MAP4K2: variants seen among roughly 807,000 people sequenced by gnomAD.
MAP4K2 encodes mitogen-activated protein kinase kinase kinase kinase 2, also known as B lymphocyte serine/threonine protein kinase.
MAP4K2 carries 85 observed loss-of-function variants against 125.3 expected under a neutral mutation model. The observed-to-expected ratio is 0.68, with a 90% CI of 0.57 to 0.81. The LOEUF (loss-of-function observed/expected upper bound fraction) is 0.81. Ranked by LOEUF, MAP4K2 falls within the 40% of genes least tolerant of loss-of-function variation. The pLI, the probability that MAP4K2 is intolerant of heterozygous loss-of-function variation, is 0.00. For missense variants in MAP4K2, 923 were observed against 1,056.4 expected (o/e 0.87, Z 1.75); for synonymous variants, 479 against 445.1 (o/e 1.08, Z -0.96).
In MAP4K2 at chr11:64,797,365, C is replaced by G; in HGVS notation, c.1186G>C (p.Asp396His). 6.3e-7 allele frequency: 1 copy of G among 1,589,360 alleles called. No homozygotes were observed. Among genetic ancestry groups the G allele is most frequent in the Non-Finnish European group, 8.6e-7 (1 of 1,167,684 alleles). ...CGCTTGATGGTTCCCATGGTATCGT[C>G]TGGGGAGTCCAGCTCCTGGTAGGAG... is the stretch of plus-strand genomic sequence containing the variant. The part of the protein sequence containing the change: ...ASEFQELDSP[D>H]DTMGTIKRAP... The change falls in exon 18 of 32, where the codon GAC (aspartate) becomes CAC (histidine). Residue 396 changes from aspartate (D) to histidine (H), a missense_variant. By Grantham distance (81) the Asp-to-His change is moderately conservative. Transcript: ENST00000294066.
At chr11:64,800,279 C>G (rs758341694) in intron 11 of MAP4K2, 32 bp downstream of exon 11, 15 of 1,613,170 alleles carry the variant, frequency 9.3e-6, no homozygotes, top group Non-Finnish European at 1.2e-5. Context: ...CTTTTGAGTA[C>G]TGGGCCTCTC....
rs767422692 is a variant in MAP4K2 at position 64,800,808 on chromosome 11, C to T, written c.681G>A (p.Ser227=). The T allele has an allele frequency of 2.3e-5, 37 of 1,611,580 alleles. 2 individuals carry two copies. In the South Asian group the frequency reaches 2.3e-4, roughly 10 times the overall value. Residue 227 remains serine (S), a synonymous_variant, in exon 10 of 32, where the codon TCG becomes TCA. Transcript: ENST00000294066. ...LHPMRALMLM[S]KSSFQPPKLR... ...GTTTGGGCGGCTGGAAGCTGCTCTT[C>T]GACATGAGCATCAGGGCCCTGTGGA... is the stretch of plus-strand genomic sequence containing the variant.
At chr11:64,790,642 T>G (rs1031765516) in intron 27 of MAP4K2, among the ~76,000 whole-genome samples, 180 bp from the exon 28 acceptor site, 6 of 152,136 alleles carry the variant, frequency 3.9e-5, no homozygotes, top group Non-Finnish European at 7.4e-5. Context: ...TCTGAGAGGA[T>G]GAGTGACCCG....
intron 15 of MAP4K2, 74 bp downstream of exon 15, chr11:64,798,720 C>T: frequency 6.5e-7 from 1 of 1,541,652 alleles, no homozygotes. Flanking sequence ...CAGGCATGAG[C>T]CACCACGCCC....
chr11:64,800,085 C>A, intron 12 of MAP4K2, 24 bp downstream of exon 12: 1 of 1,555,228 alleles, frequency 6.4e-7, no homozygotes, highest in South Asian at 1.2e-5. Flanking sequence ...GCCCAAGACT[C>A]ACTTTCCAGC....
Position 64,801,018 on chromosome 11 carries a change from C to T in MAP4K2, c.544G>A (p.Val182Met), listed in dbSNP as rs144780110. Residue 182 changes from valine to methionine, a missense_variant, in exon 9 of 32, where the codon GTG becomes ATG. By Grantham distance (21) the Val-to-Met change is conservative. This residue lies in a region of MAP4K2 where 833 missense variants were observed against 911.4 expected (regional missense o/e 0.91). Transcript: ENST00000294066. ...CCACCTTTGCGCTCCACAGCAGCCACCTCGGGAGCCATCCTAGAGGTGGGG... is the reference window on the plus strand; with the variant it reads ...CCACCTTTGCGCTCCACAGCAGCCATCTCGGGAGCCATCCTAGAGGTGGGG... Reference protein sequence around the residue: ...IGTPYWMAPEVAAVERKGGYN... With the variant: ...IGTPYWMAPEMAAVERKGGYN... 50 of 1,613,804 alleles carry T rather than the reference C, an allele frequency of 3.1e-5. No homozygotes were observed. Among genetic ancestry groups the T allele is most frequent in the Non-Finnish European group, 4.2e-5 (49 of 1,180,004 alleles).
chr11:64,800,687 C>G (rs907996642), intron 10 of MAP4K2, 77 bp downstream of exon 10: 2 of 1,536,568 alleles, frequency 1.3e-6, no homozygotes, highest in Admixed American at 2.0e-5. Context: ...GGTTGCCCCC[C>G]GGGAGTTGGC....
At chr11:64,789,841 GTAGGGACCACAAGGCAGGGGACA>G in intron 30 of MAP4K2, 25 bp downstream of exon 30, 1 of 1,613,948 alleles carries the variant, frequency 6.2e-7, no homozygotes, top group South Asian at 1.1e-5. Context: ...TTCCAAAGAG[GTAGGGACCACAAGGCAGGGGACA>G]GCAAGGTCCC....
rs185248149 is a variant in MAP4K2 at position 64,785,830 on chromosome 11, T to C, written c.*3707A>G. The C allele has an allele frequency of 1.3e-5, 2 of 152,182 alleles. No homozygotes were observed. The highest frequency in any genetic ancestry group is 6.5e-5 in the Admixed American group (1 of 15,278). The allele number at this position is 152,182 out of a possible 1,614,324, so 9.4% of individuals were successfully genotyped here. On this transcript the variant is annotated 3_prime_UTR_variant, in exon 32 of 32. Transcript: ENST00000294066. ...GTCTAGAACTCCTGGGTTCAAGTGATCTGCCTGCCTCAGTTTCCCAAAGTG... is the reference window on the plus strand; with the variant it reads ...GTCTAGAACTCCTGGGTTCAAGTGACCTGCCTGCCTCAGTTTCCCAAAGTG...
chr11:64,789,981 C>T, intron 29 of MAP4K2, 22 bp from the exon 30 acceptor site: 1 of 1,611,486 alleles, frequency 6.2e-7, no homozygotes, highest in Non-Finnish European at 8.5e-7. Context: ...AGGCCACCAT[C>T]AGCCCTGCAC....
At chr11:64,800,482 G>A (rs747428689) in intron 10 of MAP4K2, 90 bp from the exon 11 acceptor site, 862 of 1,425,468 alleles carry the variant, frequency 6.0e-4, no homozygotes, top group Non-Finnish European at 8.0e-4. Flanking sequence ...CTCCAGAGGC[G>A]TCTGCTGGGC....
At chr11:64,802,396 G>A in intron 4 of MAP4K2, 23 bp downstream of exon 4, 1 of 1,487,898 alleles carries the variant, frequency 6.7e-7, no homozygotes, top group Non-Finnish European at 8.9e-7. Flanking sequence ...GGGGCCTGCT[G>A]GGGCCTGGAG....
chr11:64,789,129 C>G lies in MAP4K2; in HGVS notation c.*408G>C, dbSNP rs1940325214. On this transcript the variant is annotated 3_prime_UTR_variant, in exon 32 of 32. Transcript: ENST00000294066. ...GTTCACTCCCCCTACCCAGAGGGACCAGAGGACTAAAACAAACCAGCTTTA... is the reference window on the plus strand; with the variant it reads ...GTTCACTCCCCCTACCCAGAGGGACGAGAGGACTAAAACAAACCAGCTTTA... 4.7e-6 allele frequency: 1 copy of G among 211,716 alleles called. No individual in the cohort carries two copies. Among genetic ancestry groups the G allele is most frequent in the African/African-American group, 2.3e-5 (1 of 42,814 alleles). The allele number at this position is 211,716 out of a possible 1,614,324, so 13.1% of individuals were successfully genotyped here.
chr11:64,802,953 G>T lies in MAP4K2; in HGVS notation c.97-11C>A, dbSNP rs1327626259. ...GACCGTGTCGCGGGCCTGCAGGGGC[G>T]GAGGGTGAAGCGGGATGGGGGGCGG... On this transcript the variant is annotated splice_polypyrimidine_tract_variant and intron_variant, in intron 1 of 31. Transcript: ENST00000294066. 6.4e-7 allele frequency: 1 copy of T among 1,569,796 alleles called. No individual in the cohort carries two copies. The highest frequency in any genetic ancestry group is 8.6e-7 in the Non-Finnish European group (1 of 1,158,758).
Position 64,796,475 on chromosome 11 carries a change from G to A in MAP4K2, c.1633+18C>T, listed in dbSNP as rs763109110. The A allele has an allele frequency of 1.9e-6, 3 of 1,613,838 alleles. No individual in the cohort carries two copies. Among genetic ancestry groups the A allele is most frequent in the South Asian group, 2.2e-5 (2 of 91,088 alleles). ...GAGCCCCTGCGGACCCTGCCTCCCTGCCCATCCCACCTTGTACCTGAGAGT... is the reference window on the plus strand; with the variant it reads ...GAGCCCCTGCGGACCCTGCCTCCCTACCCATCCCACCTTGTACCTGAGAGT... On this transcript the variant is annotated intron_variant, in intron 23 of 31. Coordinates refer to ENST00000294066, the MANE Select transcript of MAP4K2 (RefSeq NM_004579.5).
At chr11:64,801,240 G>A (rs997696943) in intron 7 of MAP4K2, 57 bp from the exon 8 acceptor site, 12 of 1,576,452 alleles carry the variant, frequency 7.6e-6, no homozygotes, top group South Asian at 4.5e-5. Flanking sequence ...ACCCTCCCAC[G>A]CCCAGGGCTC....
intron 6 of MAP4K2, 36 bp downstream of exon 6, chr11:64,801,674 C>T (rs1384905434): frequency 1.2e-6 from 2 of 1,613,852 alleles, no homozygotes; most frequent in Admixed American, 1.7e-5. Flanking sequence ...GGGCCTCCTC[C>T]TCCCTCCCCA....
intron 31 of MAP4K2, 44 bp downstream of exon 31, chr11:64,789,686 G>A (rs1267045797): frequency 6.2e-7 from 1 of 1,612,640 alleles, no homozygotes; most frequent in African/African-American, 1.3e-5. Context: ...CCCTTCTCTG[G>A]CCTCAGGGGC....
rs746314836 is a variant in MAP4K2 at position 64,790,198 on chromosome 11, G to A, written c.2238C>T (p.Ile746=). 1.2e-5 allele frequency: 20 copies of A among 1,614,060 alleles called. No individual in the cohort carries two copies. Among genetic ancestry groups the A allele is most frequent in the South Asian group, 2.2e-5 (2 of 91,080 alleles). ...CTCTGGCTCACTCACCCACAGTCTC[G>A]ATGGGGAAATCAAAGGTCAGCTCAG... The part of the protein sequence containing the change: ...LAPELTFDFP[I]ETVVCLQDSV... Residue 746 remains isoleucine (I), a synonymous_variant, in exon 29 of 32, where the codon ATC becomes ATT. Coordinates refer to ENST00000294066, the MANE Select transcript of MAP4K2 (RefSeq NM_004579.5).
Sources: allele counts gnomAD v4.1 joint callset (sites outside exome capture counted in the v4.1 genomes callset), GRCh38; gene constraint gnomAD v4.1.1; regional missense constraint gnomAD v4.1.1; transcripts MANE v1.5; gene names NCBI Gene and HGNC (gene_info 2026-07-23, HGNC 2026-07-21).